The following AGPAT4 variants were observed in gnomAD, a reference collection of about 807,000 sequenced individuals.
AGPAT4 encodes 1-acylglycerol-3-phosphate O-acyltransferase 4.
A neutral mutation model predicts 48.0 loss-of-function variants in AGPAT4; 15 were observed. The ratio of observed to expected loss-of-function variants is 0.31; its 90% CI spans 0.21 to 0.48. The LOEUF (loss-of-function observed/expected upper bound fraction) is 0.48. Among genes scored for constraint, AGPAT4 ranks in the 20% least tolerant of loss-of-function variants. The probability of loss-of-function intolerance (pLI) is 0.99; values close to 1 mark genes in which losing one functional copy is unlikely to be tolerated. For synonymous variants in AGPAT4, 178 were observed against 198.7 expected (o/e 0.90, Z 0.88); for missense variants, 314 against 482.5 (o/e 0.65, Z 3.27).
rs1387679087 is a variant in AGPAT4, at chr6:161,137,539, T to G, written c.1043-905A>C. Reference sequence around the variant, plus strand: ...CATCTCCCATGGGTCATTTACAAACTGGAGGGCTCCTGCATGGAGCGTAAC... The same window carrying G: ...CATCTCCCATGGGTCATTTACAAACGGGAGGGCTCCTGCATGGAGCGTAAC... On this transcript the variant is annotated intron_variant, in intron 8 of 8. Coordinates refer to ENST00000320285, the MANE Select transcript of AGPAT4 (RefSeq NM_020133.3). This position sits in a 1 kb window ranked among gnomAD's most constrained non-coding sequence, Gnocchi z 6.1. 6.6e-6 allele frequency among the ~76,000 whole-genome samples: 1 copy of G among 152,136 alleles called. No homozygotes were observed. Among genetic ancestry groups the G allele is most frequent in the Admixed American group, 6.5e-5 (1 of 15,272 alleles).
chr6:161,204,945 G>C lies in AGPAT4; in HGVS notation c.178+27091C>G, dbSNP rs767454200. On this transcript the variant is annotated intron_variant, in intron 2 of 8. Transcript: ENST00000320285. The surrounding 1 kb of genome is among the most constrained non-coding windows in gnomAD (Gnocchi z 4.4). ...ATCAGCAGTTTTTTACAATAAACCGGGTATGAACAACGACATGACGCTGTT... is the reference window on the plus strand; with the variant it reads ...ATCAGCAGTTTTTTACAATAAACCGCGTATGAACAACGACATGACGCTGTT... Among the ~76,000 whole-genome samples the C allele has an allele frequency of 2.0e-5, 3 of 152,092 alleles. No individual in the cohort carries two copies. Among genetic ancestry groups the C allele is most frequent in the Non-Finnish European group, 2.9e-5 (2 of 68,018 alleles).
intron 2 of AGPAT4, among the ~76,000 whole-genome samples, chr6:161,224,248 C>T (rs1281934298): frequency 6.6e-6 from 1 of 152,042 alleles, no homozygotes; most frequent in African/African-American, 2.4e-5. Flanking sequence ...CCATTTGTGC[C>T]CAAACATGGG....
At chr6:161,253,713 T>C (rs193075896) in intron 1 of AGPAT4, among the ~76,000 whole-genome samples, 6 of 152,352 alleles carry the variant, frequency 3.9e-5, no homozygotes, top group Admixed American at 2.6e-4. Flanking sequence ...CTGTATTATT[T>C]AACATATGTA....
At position 161,238,095 on chromosome 6, in the gene AGPAT4, G is replaced by T. The variant is rs990745128; in HGVS notation, c.-89-5793C>A. ...GGGGGTAATGGGGGGGTTGGGGGGC[G>T]GGAGGCAGAATGCAGCATAGTTGTT... On this transcript the variant is annotated intron_variant, in intron 1 of 8. Coordinates refer to ENST00000320285, the MANE Select transcript of AGPAT4 (RefSeq NM_020133.3). This position sits in a 1 kb window ranked among gnomAD's most constrained non-coding sequence, Gnocchi z 5.2. Among the ~76,000 whole-genome samples, 1 of 146,226 alleles carries T rather than the reference G, an allele frequency of 6.8e-6. No individual in the cohort carries two copies. The highest frequency in any genetic ancestry group is 1.5e-5 in the Non-Finnish European group (1 of 66,282).
Position 161,206,058 on chromosome 6 carries a change from G to A in AGPAT4, c.178+25978C>T, listed in dbSNP as rs1174018554. On this transcript the variant is annotated intron_variant, in intron 2 of 8. Transcript: ENST00000320285. This position sits in a 1 kb window ranked among gnomAD's most constrained non-coding sequence, Gnocchi z 4.8. ...TCTTTGTACTCGTATGTTTTTTCAA[G>A]CCCGTGCGATGTAGACAAAAAAAGC... Among the ~76,000 whole-genome samples, 1 of 151,998 alleles carries A rather than the reference G, an allele frequency of 6.6e-6. No homozygotes were observed. The highest frequency in any genetic ancestry group is 2.4e-5 in the African/African-American group (1 of 41,370).
chr6:161,183,727 A>AGAGGAGAGG (rs1780676544), intron 2 of AGPAT4, among the ~76,000 whole-genome samples: 1 of 33,356 alleles, frequency 3.0e-5, no homozygotes, highest in African/African-American at 1.5e-4. Context: ...GAGATGGGAG[A>AGAGGAGAGG]AGAGGGGAGG....
In AGPAT4 at chr6:161,215,800, G is replaced by A. The variant is rs1381593618; in HGVS notation, c.178+16236C>T. 2.0e-5 allele frequency among the ~76,000 whole-genome samples: 3 copies of A among 151,916 alleles called. No individual in the cohort carries two copies. The highest frequency in any genetic ancestry group is 2.0e-4 in the Admixed American group (3 of 15,266). On this transcript the variant is annotated intron_variant, in intron 2 of 8. Coordinates refer to ENST00000320285, the MANE Select transcript of AGPAT4 (RefSeq NM_020133.3). This position sits in a 1 kb window ranked among gnomAD's most constrained non-coding sequence, Gnocchi z 4.5. ...AAGTCCTACCAGCCACCAACCCATT[G>A]TAATTTCTCCTTTTTAGGTAGATAT...
In AGPAT4 at chr6:161,154,444, G is replaced by T; in HGVS notation, c.349-134C>A. The T allele has an allele frequency of 1.0e-6, 1 of 996,774 alleles. No individual in the cohort carries two copies. The highest frequency in any genetic ancestry group is 1.4e-6 in the Non-Finnish European group (1 of 690,650). 61.7% of individuals were successfully genotyped at this position (996,774 alleles called of 1,614,324 possible). On this transcript the variant is annotated intron_variant, in intron 3 of 8. Coordinates refer to ENST00000320285, the MANE Select transcript of AGPAT4 (RefSeq NM_020133.3). The surrounding 1 kb of genome is among the most constrained non-coding windows in gnomAD (Gnocchi z 7.8). ...GCCTCGGGACAGTCCCAGAACACATGCTGTCGAGGCCATGGACCCTGGTGC... is the reference window on the plus strand; with the variant it reads ...GCCTCGGGACAGTCCCAGAACACATTCTGTCGAGGCCATGGACCCTGGTGC...
rs1780698309 is a variant in AGPAT4, at chr6:161,184,228, G to A, written c.179-17811C>T. Among the ~76,000 whole-genome samples, 1 of 152,000 alleles carries A rather than the reference G, an allele frequency of 6.6e-6. No homozygotes were observed. Among genetic ancestry groups the A allele is most frequent in the Non-Finnish European group, 1.5e-5 (1 of 67,996 alleles). On this transcript the variant is annotated intron_variant, in intron 2 of 8. Transcript: ENST00000320285. The surrounding 1 kb of genome is among the most constrained non-coding windows in gnomAD (Gnocchi z 4.8). ...CTGCAGTCAGCCCAACAGGGGTGGT[G>A]GGCTCGGTGGGCATAGTGGAAATGG... is the stretch of plus-strand genomic sequence containing the variant.
chr6:161,256,127 C>T (rs1257532342), intron 1 of AGPAT4, among the ~76,000 whole-genome samples: 3 of 152,146 alleles, frequency 2.0e-5, no homozygotes, highest in Non-Finnish European at 2.9e-5. Context: ...TTACTGCCCA[C>T]CACAGCACTT....
At position 161,130,240 on chromosome 6, in the gene AGPAT4, C is replaced by G. The variant is rs1369325266; in HGVS notation, c.*6300G>C. On this transcript the variant is annotated 3_prime_UTR_variant, in exon 9 of 9. Transcript: ENST00000320285. ...CTCTCAAAGACTAGCATGGTTCTGT[C>G]CAATACCTTGCTCTAATTCCAATTC... The G allele has an allele frequency of 6.6e-6, 1 of 152,468 alleles. No individual in the cohort carries two copies. Among genetic ancestry groups the G allele is most frequent in the African/African-American group, 2.4e-5 (1 of 41,432 alleles). 9.4% of individuals were successfully genotyped at this position (152,468 alleles called of 1,614,324 possible). A position where few individuals can be genotyped will look rare whatever the true frequency, so the allele number is the denominator to read the frequency against.
In AGPAT4 at chr6:161,164,255, G is replaced by A. The variant is rs886241481; in HGVS notation, c.348+1993C>T. Among the ~76,000 whole-genome samples, 1 of 152,212 alleles carries A rather than the reference G, an allele frequency of 6.6e-6. No homozygotes were observed. Among genetic ancestry groups the A allele is most frequent in the African/African-American group, 2.4e-5 (1 of 41,466 alleles). ...TCTGGACCTGGGTCCCTCCCTGCAT[G>A]TGTTGTGGGGCTCACCTTCTCCCTC... is the stretch of plus-strand genomic sequence containing the variant. On this transcript the variant is annotated intron_variant, in intron 3 of 8. Transcript: ENST00000320285. The surrounding 1 kb of genome is among the most constrained non-coding windows in gnomAD (Gnocchi z 7.4).
At position 161,187,058 on chromosome 6, in the gene AGPAT4, T is replaced by C. The variant is rs185847206; in HGVS notation, c.179-20641A>G. On this transcript the variant is annotated intron_variant, in intron 2 of 8. Coordinates refer to ENST00000320285, the MANE Select transcript of AGPAT4 (RefSeq NM_020133.3). Reference sequence around the variant, plus strand: ...CGATTTACTAATAACATCGGCATATTACTTAACCTTGCTGACTTTGTTTTA... The same window carrying C: ...CGATTTACTAATAACATCGGCATATCACTTAACCTTGCTGACTTTGTTTTA... 3.7e-3 allele frequency among the ~76,000 whole-genome samples: 556 copies of C among 152,322 alleles called. 10 individuals carry two copies. Among genetic ancestry groups the C allele is most frequent in the South Asian group, 0.025 (123 of 4,828 alleles).
In AGPAT4 at chr6:161,234,551, T is replaced by C. The variant is rs1782217314; in HGVS notation, c.-89-2249A>G. On this transcript the variant is annotated intron_variant, in intron 1 of 8. Coordinates refer to ENST00000320285, the MANE Select transcript of AGPAT4 (RefSeq NM_020133.3). The surrounding 1 kb of genome is among the most constrained non-coding windows in gnomAD (Gnocchi z 4.4). Reference sequence around the variant, plus strand: ...GCTGGCAGCCCCCGCTCAGTGCACTTGACTTTGGGAGCCACATAAATAGGA... The same window carrying C: ...GCTGGCAGCCCCCGCTCAGTGCACTCGACTTTGGGAGCCACATAAATAGGA... Among the ~76,000 whole-genome samples, 1 of 152,176 alleles carries C rather than the reference T, an allele frequency of 6.6e-6. No homozygotes were observed. The highest frequency in any genetic ancestry group is 1.5e-5 in the Non-Finnish European group (1 of 68,030).
intron 5 of AGPAT4, among the ~76,000 whole-genome samples, chr6:161,152,628 GC>G (rs1292591843): frequency 6.6e-6 from 1 of 152,160 alleles, no homozygotes; most frequent in Non-Finnish European, 1.5e-5. Context: ...AGAGGATAAG[GC>G]CGAGGAAGGC....
At position 161,170,618 on chromosome 6, in the gene AGPAT4, A is replaced by G. The variant is rs184453271; in HGVS notation, c.179-4201T>C. Among the ~76,000 whole-genome samples the G allele has an allele frequency of 1.0e-3, 155 of 152,172 alleles. 1 individual carries two copies. The highest frequency in any genetic ancestry group is 2.5e-4 in the Non-Finnish European group (17 of 68,032). On this transcript the variant is annotated intron_variant, in intron 2 of 8. Transcript: ENST00000320285. Reference sequence around the variant, plus strand: ...CACATGACTTACAAATATCTCCATGAATTTAGGTTTCATTTCCTCTCCTGT... The same window carrying G: ...CACATGACTTACAAATATCTCCATGGATTTAGGTTTCATTTCCTCTCCTGT...
Position 161,219,874 on chromosome 6 carries a change from GGC to G in AGPAT4, c.178+12160_178+12161del, listed in dbSNP as rs1562343675. Among the ~76,000 whole-genome samples the G allele has an allele frequency of 0.074, 8,113 of 109,286 alleles. 483 individuals are homozygous for G. Among genetic ancestry groups the G allele is most frequent in the Non-Finnish European group, 0.1 (5,186 of 49,422 alleles). The allele number at this position is 109,286 out of a possible 152,430, so 71.7% of individuals were successfully genotyped here. On this transcript the variant is annotated intron_variant, in intron 2 of 8. Coordinates refer to ENST00000320285, the MANE Select transcript of AGPAT4 (RefSeq NM_020133.3). The surrounding 1 kb of genome is among the most constrained non-coding windows in gnomAD (Gnocchi z 4.9). ...AGATAGATAGATAGATAGATAGATA[GGC>G]AGGCAGGCAGGCAGGCAGGCAGGCA...
At chr6:161,150,019 GCATA>G (rs1160441042) in intron 5 of AGPAT4, among the ~76,000 whole-genome samples, 7 of 152,168 alleles carry the variant, frequency 4.6e-5, no homozygotes, top group African/African-American at 1.7e-4. Flanking sequence ...AGTTACAGCA[GCATA>G]ACCATTCTAT....
chr6:161,238,284 A>T lies in AGPAT4; in HGVS notation c.-89-5982T>A, dbSNP rs1782360610. On this transcript the variant is annotated intron_variant, in intron 1 of 8. Transcript: ENST00000320285. This position sits in a 1 kb window ranked among gnomAD's most constrained non-coding sequence, Gnocchi z 5.2. ...CAGCATGAGGTGGCTGCAAGGAGCA[A>T]GTATAGTAAAGCATTGGAAACACTT... Among the ~76,000 whole-genome samples the T allele has an allele frequency of 6.6e-6, 1 of 152,212 alleles. No individual in the cohort carries two copies. The highest frequency in any genetic ancestry group is 1.5e-5 in the Non-Finnish European group (1 of 68,036).
Sources: gnomAD v4.1 joint callset for allele counts (sites outside exome capture counted in the v4.1 genomes callset) on GRCh38, gnomAD v4.1.1 for gene constraint, Gnocchi (gnomAD v3.1) non-coding constraint, MANE v1.5 for transcripts, NCBI Gene and HGNC (gene_info 2026-07-23, HGNC 2026-07-21) for gene names.